The following PCDHA1 variants were observed in gnomAD, a reference collection of about 807,000 sequenced individuals.
PCDHA1 encodes the protein protocadherin alpha 1.
In PCDHA1, 42 loss-of-function variants were observed where a neutral mutation model predicts 61.3. That is an observed-to-expected ratio of 0.69 (90% confidence interval 0.54 to 0.89). PCDHA1 has a LOEUF of 0.89. Ranked by LOEUF, PCDHA1 falls within the 40% of genes least tolerant of loss-of-function variation. The probability of loss-of-function intolerance (pLI) is 0.00; values close to 1 mark genes in which losing one functional copy is unlikely to be tolerated. For missense variants in PCDHA1, 1,256 were observed against 1,235.3 expected, an observed-to-expected ratio of 1.02 and a Z score of -0.25; for synonymous variants, 610 against 553.8, an observed-to-expected ratio of 1.10 and a Z score of -1.43.
chr5:140,863,615 T>A (rs1290782399), intron 1 of PCDHA1: 16 of 339,092 alleles, frequency 4.7e-5, no homozygotes, highest in Non-Finnish European at 8.7e-5. Context: ...ATGTCCCTCA[T>A]AGTGACATTG....
chr5:140,911,075 A>G (rs1554194593), intron 1 of PCDHA1, among the ~76,000 whole-genome samples: 1 of 152,076 alleles, frequency 6.6e-6, no homozygotes, highest in Admixed American at 6.6e-5. Context: ...GAGGAGAATC[A>G]ACATTATCTT....
intron 1 of PCDHA1, chr5:140,809,652 C>T: frequency 6.7e-7 from 1 of 1,493,130 alleles, no homozygotes; most frequent in Non-Finnish European, 9.0e-7. Flanking sequence ...TTCTAAGAGT[C>T]AAATTTCCCT....
At chr5:141,006,403 C>T (rs2098271999) in intron 3 of PCDHA1, among the ~76,000 whole-genome samples, 1 of 151,934 alleles carries the variant, frequency 6.6e-6, no homozygotes, top group Non-Finnish European at 1.5e-5. Context: ...TTAGTAGAGA[C>T]GCGGTTTCAC....
At position 140,992,594 on chromosome 5, in the gene PCDHA1, G is replaced by T. The variant is rs782416770; in HGVS notation, c.2542+10031G>T. On this transcript the variant is annotated intron_variant, in intron 3 of 3. Coordinates refer to ENST00000504120, the MANE Select transcript of PCDHA1 (RefSeq NM_018900.4). ...ATTGCCTGCCTTGTATGCATCTAGC[G>T]TCTGTGTCTAAGTGAAAGCAGATTA... Among the ~76,000 whole-genome samples, 5 of 152,266 alleles carry T rather than the reference G, an allele frequency of 3.3e-5. No individual in the cohort carries two copies. The East Asian group carries it at 7.7e-4, about 24-fold the overall frequency.
chr5:140,801,587 G>A (rs782170859), intron 1 of PCDHA1: 8 of 1,614,092 alleles, frequency 5.0e-6, no homozygotes, highest in East Asian at 2.2e-5. Flanking sequence ...ATGACAACGC[G>A]CCAGTTTTTC....
Position 140,929,454 on chromosome 5 carries a change from C to T in PCDHA1, c.2395-49495C>T, listed in dbSNP as rs2086172726. ...AACTAAACACTCCTTCTTAGCACTTCCTGTGCCAAGAAATCTGGAAGTATA... is the reference window on the plus strand; with the variant it reads ...AACTAAACACTCCTTCTTAGCACTTTCTGTGCCAAGAAATCTGGAAGTATA... On this transcript the variant is annotated intron_variant, in intron 1 of 3. Transcript: ENST00000504120. 7 of 1,355,724 alleles carry T rather than the reference C, an allele frequency of 5.2e-6. No individual in the cohort carries two copies. In the Admixed American group the frequency reaches 8.0e-5, roughly 16 times the overall value. The allele number at this position is 1,355,724 out of a possible 1,614,324, so 84.0% of individuals were successfully genotyped here. A position where few individuals can be genotyped will look rare whatever the true frequency, so the allele number is the denominator to read the frequency against.
intron 1 of PCDHA1, among the ~76,000 whole-genome samples, chr5:140,935,394 G>A (rs959098226): frequency 2.0e-5 from 3 of 152,088 alleles, no homozygotes; most frequent in East Asian, 1.9e-4. Flanking sequence ...GTTATCCCAC[G>A]GGACTCAAAC....
At chr5:140,849,211 C>A in intron 1 of PCDHA1, 1 of 1,031,972 alleles carries the variant, frequency 9.7e-7, no homozygotes, top group East Asian at 2.6e-5. Context: ...AATGACAATG[C>A]CCCAGTGTTC....
At chr5:140,941,215 C>CTTTCTTTCTTTCTTTG (rs2092887387) in intron 1 of PCDHA1, among the ~76,000 whole-genome samples, 2 of 104,510 alleles carry the variant, frequency 1.9e-5, no homozygotes, top group Non-Finnish European at 4.1e-5. Context: ...TTCTTTCTTC[C>CTTTCTTTCTTTCTTTG]TTTCTTTCTT....
chr5:140,808,125 G>A (rs1554124422), intron 1 of PCDHA1: 2 of 1,614,044 alleles, frequency 1.2e-6, no homozygotes, highest in East Asian at 2.2e-5. Context: ...TTTGAAGAAA[G>A]CAAATCCTAT....
Position 140,981,745 on chromosome 5 carries a change from T to C in PCDHA1, c.2454-730T>C, listed in dbSNP as rs145941614. On this transcript the variant is annotated intron_variant, in intron 2 of 3. Coordinates refer to ENST00000504120, the MANE Select transcript of PCDHA1 (RefSeq NM_018900.4). ...CAAATATTTGAGAGATTAATATGAG[T>C]TAGTATTAGACATACATAAATGAAT... Among the ~76,000 whole-genome samples the C allele has an allele frequency of 1.1e-3, 160 of 152,294 alleles. 1 individual carries two copies. The East Asian group carries it at 0.027, about 25-fold the overall frequency.
intron 1 of PCDHA1, chr5:140,926,951 G>T (rs1554203848): frequency 1.9e-6 from 3 of 1,596,266 alleles, no homozygotes; most frequent in Middle Eastern, 1.7e-4. Context: ...GCTGCAGCGG[G>T]ACAGCTCGAG....
At chr5:140,823,716 G>T (rs2150128476) in intron 1 of PCDHA1, 2 of 1,613,960 alleles carry the variant, frequency 1.2e-6, no homozygotes, top group Admixed American at 3.3e-5. Flanking sequence ...ACCGCCTTCT[G>T]GTGCTGGTGA....
intron 1 of PCDHA1, among the ~76,000 whole-genome samples, chr5:140,954,720 T>C (rs1255262640): frequency 1.3e-5 from 2 of 152,168 alleles, no homozygotes; most frequent in African/African-American, 4.8e-5. Context: ...ATTCTGTAGG[T>C]TGTCTTTTCA....
At chr5:140,987,480 A>C (rs1489888830) in intron 3 of PCDHA1, among the ~76,000 whole-genome samples, 2 of 152,192 alleles carry the variant, frequency 1.3e-5, no homozygotes, top group African/African-American at 4.8e-5. Flanking sequence ...CTTGGGAGTC[A>C]GTGACCCTTT....
chr5:140,961,672 A>T (rs1463428757), intron 1 of PCDHA1, among the ~76,000 whole-genome samples: 2 of 152,182 alleles, frequency 1.3e-5, no homozygotes, highest in East Asian at 3.8e-4. Flanking sequence ...ACCAGTTTTT[A>T]ATTAAGCCGG....
rs559093543 is a variant in PCDHA1 at position 140,936,623 on chromosome 5, A to G, written c.2395-42326A>G. Among the ~76,000 whole-genome samples, 3 of 152,312 alleles carry G rather than the reference A, an allele frequency of 2.0e-5. No individual in the cohort carries two copies. The East Asian group carries it at 5.8e-4, about 29-fold the overall frequency. On this transcript the variant is annotated intron_variant, in intron 1 of 3. Transcript: ENST00000504120. ...TTCCTCGCTGCTACTGTGCAGTGCT[A>G]CCTTTGTCATAAGCAACGTGACTTT...
intron 3 of PCDHA1, among the ~76,000 whole-genome samples, chr5:140,990,438 T>C (rs2097393735): frequency 2.0e-5 from 3 of 152,222 alleles, no homozygotes; most frequent in Admixed American, 2.0e-4. Context: ...CCCAATCTTG[T>C]GTCCAGAGCT....
Position 140,849,786 on chromosome 5 carries a change from G to T in PCDHA1, c.2394+61102G>T, listed in dbSNP as rs2150450039. 3 of 1,598,374 alleles carry T rather than the reference G, an allele frequency of 1.9e-6. No individual in the cohort carries two copies. The African/African-American group carries it at 4.0e-5, about 21-fold the overall frequency. On this transcript the variant is annotated intron_variant, in intron 1 of 3. Coordinates refer to ENST00000504120, the MANE Select transcript of PCDHA1 (RefSeq NM_018900.4). ...GCTGGTGGTTACCGCGCGGGACGGG[G>T]GCTCGCCTTCACTGTGGGCCACGGC...
Sources: gnomAD v4.1 joint callset for allele counts (sites outside exome capture counted in the v4.1 genomes callset) on GRCh38, gnomAD v4.1.1 for gene constraint, MANE v1.5 for transcripts, NCBI Gene and HGNC (gene_info 2026-07-23, HGNC 2026-07-21) for gene names.